The following ZNF385D variants were observed in gnomAD, a reference collection of about 807,000 sequenced individuals.
ZNF385D encodes the protein zinc finger protein 659.
ZNF385D carries 15 observed loss-of-function variants against 35.8 expected under a neutral mutation model. That is an observed-to-expected ratio of 0.42 (90% CI 0.28 to 0.64). The LOEUF (loss-of-function observed/expected upper bound fraction) is 0.64, where lower values mean the gene tolerates loss of function less well. Ranked by LOEUF, ZNF385D falls within the 30% of genes least tolerant of loss-of-function variation. ZNF385D has a pLI of 0.23. For synonymous variants in ZNF385D, 212 were observed against 186.8 expected (o/e 1.13, Z -1.10); for missense variants, 474 against 494.6 (o/e 0.96, Z 0.39).
intron 3 of ZNF385D, among the ~76,000 whole-genome samples, chr3:21,979,172 G>C (rs1269122921): frequency 6.6e-6 from 1 of 151,906 alleles, no homozygotes; most frequent in African/African-American, 2.4e-5. Flanking sequence ...GTCTGGGCTG[G>C]GTCCAAACAT....
chr3:22,032,182 C>T (rs1698041416), intron 3 of ZNF385D, among the ~76,000 whole-genome samples: 1 of 152,224 alleles, frequency 6.6e-6, no homozygotes, highest in African/African-American at 2.4e-5. Flanking sequence ...TTTCCCACAT[C>T]TTCCTGTCTT....
Position 21,665,413 on chromosome 3 carries a change from A to G in ZNF385D, c.23-385T>C, listed in dbSNP as rs574848721. On this transcript the variant is annotated intron_variant, in intron 1 of 7. Transcript: ENST00000281523. ...CTCTTTGAAAACTAAACCACTCACA[A>G]TATGCATTAAGTCTGAGTGATTATT... Among the ~76,000 whole-genome samples, 161 of 152,222 alleles carry G rather than the reference A, an allele frequency of 1.1e-3. 7 individuals are homozygous for G. The South Asian group carries it at 0.031, about 29-fold the overall frequency.
intron 2 of ZNF385D, among the ~76,000 whole-genome samples, chr3:21,612,268 T>C (rs2064705849): frequency 6.6e-6 from 1 of 152,024 alleles, no homozygotes; most frequent in African/African-American, 2.4e-5. Context: ...TTATTTTTTG[T>C]TTTTTATTTT....
intron 3 of ZNF385D, among the ~76,000 whole-genome samples, chr3:21,816,244 G>T (rs928047724): frequency 8.5e-5 from 13 of 152,142 alleles, no homozygotes; most frequent in African/African-American, 3.1e-4. Flanking sequence ...GCAAAAACTG[G>T]AAGCATTCCC....
intron 3 of ZNF385D, among the ~76,000 whole-genome samples, chr3:21,853,596 C>A: frequency 6.7e-6 from 1 of 149,546 alleles, no homozygotes. Context: ...TGAAGTGGAC[C>A]CGAACAAAAG....
At chr3:21,671,476 C>A (rs2066574769) in intron 1 of ZNF385D, among the ~76,000 whole-genome samples, 1 of 151,992 alleles carries the variant, frequency 6.6e-6, no homozygotes, top group African/African-American at 2.4e-5. Context: ...AGCCTTCTAT[C>A]CTCTTAATTC....
At position 21,794,897 on chromosome 3, in the gene ZNF385D, A is replaced by C. The variant is rs564420359; in HGVS notation, c.326-129869T>G. Among the ~76,000 whole-genome samples the C allele has an allele frequency of 2.0e-5, 3 of 152,268 alleles. No homozygotes were observed. The South Asian group carries it at 6.3e-4, about 32-fold the overall frequency. ...AACATTGCAAATATTGTCACATATC[A>C]TACAATGCTATTATGACAATTAAGT... On this transcript the variant is annotated intron_variant, in intron 3 of 5. Transcript: ENST00000494108.
chr3:21,883,842 T>C (rs1033496294), intron 3 of ZNF385D, among the ~76,000 whole-genome samples: 11 of 152,058 alleles, frequency 7.2e-5, no homozygotes, highest in Admixed American at 7.2e-4. Context: ...TAATGTAGAC[T>C]GAACTACATA....
At chr3:21,538,210 A>T (rs1178822683) in intron 3 of ZNF385D, among the ~76,000 whole-genome samples, 3 of 152,060 alleles carry the variant, frequency 2.0e-5, no homozygotes, top group Non-Finnish European at 1.5e-5. Flanking sequence ...TAGGTAAACA[A>T]GTGCAGATAT....
chr3:22,028,632 C>T (rs552031818), intron 3 of ZNF385D, among the ~76,000 whole-genome samples: 44 of 152,322 alleles, frequency 2.9e-4, no homozygotes, highest in African/African-American at 1.0e-3. Context: ...GCACACAATG[C>T]TTCTGCCAAG....
At chr3:21,971,374 TG>T (rs1471380844) in intron 3 of ZNF385D, among the ~76,000 whole-genome samples, 1 of 152,058 alleles carries the variant, frequency 6.6e-6, no homozygotes, top group East Asian at 1.9e-4. Context: ...GCTTGTTTTT[TG>T]TTTGTTTATG....
chr3:22,256,715 G>A (rs1342647255), intron 2 of ZNF385D, among the ~76,000 whole-genome samples: 1 of 151,754 alleles, frequency 6.6e-6, no homozygotes, highest in East Asian at 1.9e-4. Context: ...AAAATTTTCA[G>A]GTGCCATCTT....
chr3:22,032,715 G>A (rs919920659), intron 3 of ZNF385D, among the ~76,000 whole-genome samples: 3 of 152,124 alleles, frequency 2.0e-5, no homozygotes, highest in African/African-American at 4.8e-5. Flanking sequence ...AGGGCATTTA[G>A]GTAAATGGTA....
intron 3 of ZNF385D, among the ~76,000 whole-genome samples, chr3:21,554,293 G>A (rs1454447563): frequency 2.0e-5 from 3 of 152,148 alleles, no homozygotes; most frequent in Admixed American, 1.3e-4. Context: ...CTCTATCAGA[G>A]CTCTCGGGTT....
intron 2 of ZNF385D, among the ~76,000 whole-genome samples, chr3:21,640,252 G>T (rs1257094932): frequency 1.3e-5 from 2 of 151,934 alleles, no homozygotes; most frequent in African/African-American, 4.8e-5. Flanking sequence ...TTGTTCTTTG[G>T]TTCCCTGGCT....
At chr3:21,970,935 A>T (rs1016525017) in intron 3 of ZNF385D, among the ~76,000 whole-genome samples, 1 of 152,078 alleles carries the variant, frequency 6.6e-6, no homozygotes. Flanking sequence ...AAAAGAAAAA[A>T]AAAACTTTCA....
chr3:22,003,371 A>C (rs1695980739), intron 3 of ZNF385D, among the ~76,000 whole-genome samples: 1 of 152,284 alleles, frequency 6.6e-6, no homozygotes, highest in South Asian at 2.1e-4. Flanking sequence ...TTTAATCAGG[A>C]GGTAAAAGAC....
chr3:21,922,568 G>T lies in ZNF385D; in HGVS notation c.325+246249C>A, dbSNP rs117026209. Among the ~76,000 whole-genome samples the T allele has an allele frequency of 9.1e-4, 139 of 152,266 alleles. 3 individuals are homozygous for T. The East Asian group carries it at 0.025, about 27-fold the overall frequency. On this transcript the variant is annotated intron_variant, in intron 3 of 5. Transcript: ENST00000494108. Reference sequence around the variant, plus strand: ...ACTCCTATTCAATAAATTGTGTTGAGAAGGCTAGCTAGTCATAGGCAGAAG... The same window carrying T: ...ACTCCTATTCAATAAATTGTGTTGATAAGGCTAGCTAGTCATAGGCAGAAG...
chr3:22,083,990 T>A (rs1197207255), intron 3 of ZNF385D, among the ~76,000 whole-genome samples: 2 of 152,166 alleles, frequency 1.3e-5, no homozygotes, highest in Non-Finnish European at 1.5e-5. Context: ...CTAAGCTTCA[T>A]ACGTGAAGGA....
Sources: allele counts gnomAD v4.1 joint callset (sites outside exome capture counted in the v4.1 genomes callset), GRCh38; gene constraint gnomAD v4.1.1; transcripts MANE v1.5; gene names NCBI Gene and HGNC (gene_info 2026-07-23, HGNC 2026-07-21).